The following SLC25A25 variants were observed in gnomAD, a reference collection of about 807,000 sequenced individuals.
SLC25A25 encodes solute carrier family 25 member 25.
In SLC25A25, 32 loss-of-function variants were observed where a neutral mutation model predicts 57.7. That is an observed-to-expected ratio of 0.55 (90% confidence interval 0.42 to 0.74). The LOEUF (loss-of-function observed/expected upper bound fraction) is 0.74, where lower values mean the gene tolerates loss of function less well. SLC25A25 is among the 30% of genes least tolerant of loss of function. The pLI is 0.00. For synonymous variants in SLC25A25, 306 were observed against 291.2 expected, an observed-to-expected ratio of 1.05 and a Z score of -0.52; for missense variants, 556 against 701.3, an observed-to-expected ratio of 0.79 and a Z score of 2.34.
chr9:128,107,006 C>A (rs1834069235), intron 9 of SLC25A25, 23 bp from the exon 10 acceptor site: 3 of 1,610,550 alleles, frequency 1.9e-6, no homozygotes, highest in African/African-American at 2.7e-5. Context: ...TAGGGCTTAT[C>A]CCATGCTCCC....
Position 128,107,562 on chromosome 9 carries a change from C to G in SLC25A25, c.*118C>G. 1 of 1,263,088 alleles carries G rather than the reference C, an allele frequency of 7.9e-7. No individual in the cohort carries two copies. The highest frequency in any genetic ancestry group is 1.1e-6 in the Non-Finnish European group (1 of 947,492). The allele number at this position is 1,263,088 out of a possible 1,614,324, so 78.2% of individuals were successfully genotyped here. On this transcript the variant is annotated 3_prime_UTR_variant, in exon 11 of 11. Coordinates refer to ENST00000373069, the MANE Select transcript of SLC25A25 (RefSeq NM_001330988.2). ...GCTGTCTCGAGCCAAGCTGTGAAAA[C>G]CCTAGACGCACCCGCAGGGAGGGTG...
rs753354513 is a variant in SLC25A25 at position 128,101,282 on chromosome 9, TCCTGCTCACGG to T, written c.389-23_389-13del. On this transcript the variant is annotated splice_polypyrimidine_tract_variant and intron_variant, in intron 2 of 10. Transcript: ENST00000373069. The surrounding 1 kb of genome is among the most constrained non-coding windows in gnomAD (Gnocchi z 4.9). ...CCTCGGGCCTCCCCGTGCGCCTGGCTCCTGCTCACGGCCTCTGTTCTTGCAGGACGCATTGA... is the reference window on the plus strand; with the variant it reads ...CCTCGGGCCTCCCCGTGCGCCTGGCTCCTCTGTTCTTGCAGGACGCATTGA... The T allele has an allele frequency of 1.7e-5, 27 of 1,614,136 alleles. No individual in the cohort carries two copies. Among genetic ancestry groups the T allele is most frequent in the Admixed American group, 1.0e-4 (6 of 60,012 alleles).
chr9:128,081,649 C>T (rs1352102402), intron 1 of SLC25A25, among the ~76,000 whole-genome samples: 1 of 152,132 alleles, frequency 6.6e-6, no homozygotes, highest in Non-Finnish European at 1.5e-5. Context: ...AGAAATTAGG[C>T]CGGGCACGGT....
At chr9:128,085,185 G>A (rs553266408) in intron 1 of SLC25A25, among the ~76,000 whole-genome samples, 6 of 152,150 alleles carry the variant, frequency 3.9e-5, no homozygotes, top group Admixed American at 6.6e-5. Flanking sequence ...ATAAAAATTA[G>A]CTGGGTGTGG....
Position 128,107,343 on chromosome 9 carries a change from AG to A in SLC25A25, c.1452del (p.Leu485TrpfsTer6). 1 of 1,528,492 alleles carries A rather than the reference AG, an allele frequency of 6.5e-7. No individual in the cohort carries two copies. Among genetic ancestry groups the A allele is most frequent in the Non-Finnish European group, 8.8e-7 (1 of 1,135,842 alleles). 94.7% of individuals were successfully genotyped at this position (1,528,492 alleles called of 1,614,324 possible). ...LRTEGAFGLY[R>X]GLAPNFMKVI... is the part of the protein sequence containing the mutation. ...GACCGAGGGGGCCTTCGGGCTGTAC[AG>A]GGGGCTGGCCCCCAACTTCATGAAG... is the stretch of plus-strand genomic sequence containing the variant. On this transcript the variant is annotated frameshift_variant, in exon 11 of 11. Transcript: ENST00000373069. LOFTEE classifies it high-confidence loss of function.
chr9:128,072,087 A>C (rs1832920736), intron 1 of SLC25A25, among the ~76,000 whole-genome samples: 1 of 152,158 alleles, frequency 6.6e-6, no homozygotes, highest in Non-Finnish European at 1.5e-5. Context: ...GATCAGAAAT[A>C]ATTTATTAGC....
intron 1 of SLC25A25, among the ~76,000 whole-genome samples, chr9:128,093,452 A>T (rs1009283278): frequency 6.6e-6 from 1 of 152,200 alleles, no homozygotes; most frequent in Non-Finnish European, 1.5e-5. Context: ...ATTTTTCAGC[A>T]TCATACAGTA....
In SLC25A25 at chr9:128,103,620, C is replaced by G; in HGVS notation, c.625-61C>G. 6.2e-7 allele frequency: 1 copy of G among 1,610,362 alleles called. No homozygotes were observed. Among genetic ancestry groups the G allele is most frequent in the Middle Eastern group, 1.7e-4 (1 of 6,016 alleles). ...AGCCGTGCTAGAGGGTAGACGGCGA[C>G]AGGTGCCAGCAGCCTTGCCCCAAGG... is the stretch of plus-strand genomic sequence containing the variant. On this transcript the variant is annotated intron_variant, in intron 5 of 10. Transcript: ENST00000373069. This position sits in a 1 kb window ranked among gnomAD's most constrained non-coding sequence, Gnocchi z 6.7.
chr9:128,106,571 C>T (rs1002705548), intron 9 of SLC25A25, 51 bp downstream of exon 9: 17 of 1,523,260 alleles, frequency 1.1e-5, no homozygotes, highest in Non-Finnish European at 1.4e-5. Flanking sequence ...CACACCTCCA[C>T]CTGCTGTCTC....
intron 1 of SLC25A25, among the ~76,000 whole-genome samples, chr9:128,090,767 G>A (rs942927361): frequency 6.6e-6 from 1 of 152,172 alleles, no homozygotes; most frequent in African/African-American, 2.4e-5. Flanking sequence ...AGCCAAGAGC[G>A]ACCCACTGCG....
Position 128,109,116 on chromosome 9 carries a change from G to T in SLC25A25, c.*1672G>T, listed in dbSNP as rs982955080. 3.9e-5 allele frequency: 6 copies of T among 152,532 alleles called. No homozygotes were observed. Among genetic ancestry groups the T allele is most frequent in the Admixed American group, 1.3e-4 (2 of 15,280 alleles). The allele number at this position is 152,532 out of a possible 1,614,324, so 9.4% of individuals were successfully genotyped here. On this transcript the variant is annotated 3_prime_UTR_variant, in exon 11 of 11. Transcript: ENST00000373069. ...CTGATGAGGAAATCTTCAATAGGATGCAAAGATCAATGCAAAAATTGTTAT... is the reference window on the plus strand; with the variant it reads ...CTGATGAGGAAATCTTCAATAGGATTCAAAGATCAATGCAAAAATTGTTAT...
chr9:128,100,242 C>T (rs375766577), intron 1 of SLC25A25, among the ~76,000 whole-genome samples: 1 of 152,118 alleles, frequency 6.6e-6, no homozygotes, highest in Non-Finnish European at 1.5e-5. Context: ...GCACGCCCTG[C>T]GGCCGGTGCT....
In SLC25A25 at chr9:128,103,742, CGGG is replaced by C; in HGVS notation, c.688_690del (p.Gly230del). Reference sequence around the variant, plus strand: ...GAGTTCACAGTGGAGGAGAGGCAGACGGGGATGTGGTGGAGACACCTGGTGGCA... The same window carrying C: ...GAGTTCACAGTGGAGGAGAGGCAGACGATGTGGTGGAGACACCTGGTGGCA... On this transcript the variant is annotated inframe_deletion, in exon 6 of 11. Transcript: ENST00000373069. This position sits in a 1 kb window ranked among gnomAD's most constrained non-coding sequence, Gnocchi z 6.7. 6.2e-7 allele frequency: 1 copy of C among 1,614,046 alleles called. No homozygotes were observed. The highest frequency in any genetic ancestry group is 8.5e-7 in the Non-Finnish European group (1 of 1,179,982).
intron 1 of SLC25A25, among the ~76,000 whole-genome samples, chr9:128,080,250 CA>C (rs67092008): frequency 0.76 from 107,344 of 140,712 alleles, 41,875 homozygotes; most frequent in Non-Finnish European, 0.85. Flanking sequence ...AACAAAAAAA[CA>C]AAAAAAAAAC....
At chr9:128,089,144 G>C (rs574060425) in intron 1 of SLC25A25, among the ~76,000 whole-genome samples, 1 of 152,152 alleles carries the variant, frequency 6.6e-6, no homozygotes, top group East Asian at 1.9e-4. Flanking sequence ...ACCTGCCTTG[G>C]CCTCCCAAAA....
intron 1 of SLC25A25, among the ~76,000 whole-genome samples, chr9:128,088,769 G>A (rs979484806): frequency 6.6e-6 from 1 of 152,086 alleles, no homozygotes; most frequent in Non-Finnish European, 1.5e-5. Flanking sequence ...TCATAACTCA[G>A]TTCTGTGGTA....
intron 1 of SLC25A25, among the ~76,000 whole-genome samples, chr9:128,100,345 CG>C (rs966107776): frequency 1.0e-4 from 15 of 148,808 alleles, no homozygotes; most frequent in African/African-American, 3.7e-4. Context: ...GAGGCGGGGG[CG>C]GGGGGGGTTA....
At position 128,099,797 on chromosome 9, in the gene SLC25A25, C is replaced by T. The variant is rs970963640; in HGVS notation, c.262-1299C>T. 3.3e-5 allele frequency among the ~76,000 whole-genome samples: 5 copies of T among 152,286 alleles called. No homozygotes were observed. Among genetic ancestry groups the T allele is most frequent in the African/African-American group, 9.6e-5 (4 of 41,550 alleles). On this transcript the variant is annotated intron_variant, in intron 1 of 10. Transcript: ENST00000373069. This position sits in a 1 kb window ranked among gnomAD's most constrained non-coding sequence, Gnocchi z 6.8. ...CAGTAGTGTGTCTAAGAGAGAGGCG[C>T]GGTGGTGATCCTTTGAGGACGCGAG...
intron 1 of SLC25A25, among the ~76,000 whole-genome samples, chr9:128,098,080 C>G (rs1480506199): frequency 1.3e-5 from 2 of 152,228 alleles, no homozygotes; most frequent in African/African-American, 4.8e-5. Context: ...AGCTCTGTCT[C>G]TCTCCAACTA....
Sources: allele counts gnomAD v4.1 joint callset (sites outside exome capture counted in the v4.1 genomes callset), GRCh38; gene constraint gnomAD v4.1.1; non-coding constraint Gnocchi (gnomAD v3.1); transcripts MANE v1.5; gene names NCBI Gene and HGNC (gene_info 2026-07-23, HGNC 2026-07-21).